CTNNA2: variants seen among roughly 807,000 people sequenced by gnomAD.
CTNNA2 encodes catenin alpha-2.
CTNNA2 carries 42 observed loss-of-function variants against 101.0 expected under a neutral mutation model. The observed-to-expected ratio is 0.42, with a 90% CI of 0.32 to 0.54. CTNNA2 has a LOEUF of 0.54. Ranked by LOEUF, CTNNA2 falls within the 20% of genes least tolerant of loss-of-function variation. The pLI is 0.14. For synonymous variants in CTNNA2, 450 were observed against 456.4 expected, an observed-to-expected ratio of 0.99 and a Z score of 0.18; for missense variants, 871 against 1,223.1, an observed-to-expected ratio of 0.71 and a Z score of 4.29.
At chr2:79,970,144 C>T (rs527341424) in intron 7 of CTNNA2, among the ~76,000 whole-genome samples, 2 of 152,180 alleles carry the variant, frequency 1.3e-5, no homozygotes, top group African/African-American at 4.8e-5. Flanking sequence ...GAATGAACAG[C>T]CTTTGGGAAC....
chr2:79,966,022 T>C (rs2916491), intron 7 of CTNNA2, among the ~76,000 whole-genome samples: 137,399 of 151,992 alleles, frequency 0.9, 62,321 homozygotes, highest in East Asian at 0.97. Flanking sequence ...AAATTCTGGG[T>C]ATGTTACTAT....
chr2:80,646,416 A>C (rs1674095401), intron 18 of CTNNA2, among the ~76,000 whole-genome samples: 1 of 152,118 alleles, frequency 6.6e-6, no homozygotes, highest in Non-Finnish European at 1.5e-5. Flanking sequence ...CTGGAATGAT[A>C]TTTGCAGTTC....
At chr2:79,749,241 G>T (rs1184974619) in intron 3 of CTNNA2, among the ~76,000 whole-genome samples, 1 of 152,068 alleles carries the variant, frequency 6.6e-6, no homozygotes, top group African/African-American at 2.4e-5. Flanking sequence ...CCCTAGCTCA[G>T]CAGACACATT....
chr2:80,382,619 A>T (rs1415885866), intron 7 of CTNNA2, among the ~76,000 whole-genome samples: 1 of 152,230 alleles, frequency 6.6e-6, no homozygotes, highest in African/African-American at 2.4e-5. Context: ...TTACAACATG[A>T]GCTGGCTCTT....
intron 7 of CTNNA2, among the ~76,000 whole-genome samples, chr2:80,009,751 TCAGA>T (rs1693636262): frequency 2.7e-5 from 4 of 147,348 alleles, no homozygotes; most frequent in African/African-American, 1.0e-4. Context: ...TGTGTGTGTG[TCAGA>T]GAGAGAGACA....
chr2:80,047,983 A>T (rs991564990), intron 7 of CTNNA2, among the ~76,000 whole-genome samples: 1 of 152,152 alleles, frequency 6.6e-6, no homozygotes, highest in Non-Finnish European at 1.5e-5. Context: ...TGTGTGTTTT[A>T]TTGCCCCTAT....
chr2:79,815,445 G>T (rs941352922), intron 3 of CTNNA2, among the ~76,000 whole-genome samples: 3 of 144,100 alleles, frequency 2.1e-5, no homozygotes, highest in Non-Finnish European at 4.7e-5. Flanking sequence ...GTTGATTTTT[G>T]TATAAGGTGA....
chr2:79,334,733 T>C (rs1676955724), intron 3 of CTNNA2, among the ~76,000 whole-genome samples: 1 of 152,136 alleles, frequency 6.6e-6, no homozygotes, highest in African/African-American at 2.4e-5. Flanking sequence ...GTGAATGTGA[T>C]CTGGCAAGGA....
At chr2:80,018,179 A>G (rs1046490865) in intron 7 of CTNNA2, among the ~76,000 whole-genome samples, 1 of 152,230 alleles carries the variant, frequency 6.6e-6, no homozygotes, top group Non-Finnish European at 1.5e-5. Context: ...GCTTCTATTC[A>G]TAATGGATAT....
In CTNNA2 at chr2:79,858,035, C is replaced by T. The variant is rs1422999639; in HGVS notation, c.321C>T (p.Ser107=). The T allele has an allele frequency of 6.2e-7, 1 of 1,613,406 alleles. No individual in the cohort carries two copies. The highest frequency in any genetic ancestry group is 8.5e-7 in the Non-Finnish European group (1 of 1,179,464). Residue 107 remains serine, a synonymous_variant, in exon 4 of 19, where the codon TCC becomes TCT. Transcript: ENST00000402739. The stretch of plus-strand genomic sequence containing the variant: ...CAGGTGAGACGATGCGGATCGCCTC[C>T]TCCGAGTTTGCAGATGACCCTTGCT... ...RKQGETMRIA[S]SEFADDPCSS...
At chr2:79,657,480 A>T (rs886704274) in intron 2 of CTNNA2, among the ~76,000 whole-genome samples, 2 of 151,980 alleles carry the variant, frequency 1.3e-5, no homozygotes, top group African/African-American at 4.8e-5. Context: ...ATGGATGTTT[A>T]GTTGAATATT....
At chr2:79,747,038 C>G (rs1671698012) in intron 3 of CTNNA2, among the ~76,000 whole-genome samples, 1 of 152,136 alleles carries the variant, frequency 6.6e-6, no homozygotes, top group African/African-American at 2.4e-5. Flanking sequence ...TATTTAGTAC[C>G]TGGAAACACC....
chr2:79,925,771 A>G (rs968338838), intron 7 of CTNNA2, among the ~76,000 whole-genome samples: 2 of 152,052 alleles, frequency 1.3e-5, no homozygotes, highest in Non-Finnish European at 2.9e-5. Flanking sequence ...ACACTAATTG[A>G]ATTCAATATT....
chr2:80,227,130 C>T (rs1042516212), intron 7 of CTNNA2, among the ~76,000 whole-genome samples: 15 of 152,242 alleles, frequency 9.9e-5, no homozygotes, highest in Admixed American at 3.3e-4. Flanking sequence ...TTCAAACCTC[C>T]GCTTAGGGTT....
intron 1 of CTNNA2, among the ~76,000 whole-genome samples, chr2:79,569,472 C>A (rs1232250800): frequency 6.6e-6 from 1 of 152,122 alleles, no homozygotes; most frequent in Admixed American, 6.6e-5. Flanking sequence ...GAGTTTTATT[C>A]TTTGCCTTGA....
At chr2:79,235,557 G>A (rs12105113) in intron 2 of CTNNA2, among the ~76,000 whole-genome samples, 5,427 of 152,158 alleles carry the variant, frequency 0.036, 267 homozygotes, top group African/African-American at 0.11. Flanking sequence ...CAGAGGCCAC[G>A]GTTGACAGAC....
chr2:80,031,905 T>A (rs1695314325), intron 7 of CTNNA2, among the ~76,000 whole-genome samples: 1 of 152,206 alleles, frequency 6.6e-6, no homozygotes, highest in South Asian at 2.1e-4. Flanking sequence ...CGATTCCACA[T>A]GTAATTGTGA....
At chr2:79,200,597 G>A (rs1367273327) in intron 2 of CTNNA2, among the ~76,000 whole-genome samples, 1 of 152,098 alleles carries the variant, frequency 6.6e-6, no homozygotes, top group African/African-American at 2.4e-5. Flanking sequence ...AGCAGAGGGT[G>A]ACAAGAGAAA....
At chr2:79,643,953 A>T (rs1273241648) in intron 1 of CTNNA2, among the ~76,000 whole-genome samples, 1 of 152,052 alleles carries the variant, frequency 6.6e-6, no homozygotes, top group Non-Finnish European at 1.5e-5. Context: ...CTTTTCCCTT[A>T]GCCCTACCCG....
Sources: allele counts gnomAD v4.1 joint callset (sites outside exome capture counted in the v4.1 genomes callset), GRCh38; gene constraint gnomAD v4.1.1; transcripts MANE v1.5; gene names NCBI Gene and HGNC (gene_info 2026-07-23, HGNC 2026-07-21).